SACM1L: variants seen among roughly 807,000 people sequenced by gnomAD.
SACM1L encodes SAC1 like phosphatidylinositide phosphatase.
A neutral mutation model predicts 89.5 loss-of-function variants in SACM1L; 32 were observed. The observed-to-expected ratio is 0.36, with a 90% CI of 0.27 to 0.48. The LOEUF is 0.48. Ranked by LOEUF, SACM1L falls within the 20% of genes least tolerant of loss-of-function variation. SACM1L has a pLI of 0.99. For synonymous variants in SACM1L, 213 were observed against 232.8 expected (o/e 0.92, Z 0.77); for missense variants, 543 against 708.5 (o/e 0.77, Z 2.65).
intron 14 of SACM1L, 122 bp downstream of exon 14, chr3:45,735,495 G>A: frequency 2.1e-6 from 2 of 972,462 alleles, no homozygotes; most frequent in Non-Finnish European, 2.9e-6. Flanking sequence ...TTTTATTTTT[G>A]TGTCTTGCCC....
intron 1 of SACM1L, among the ~76,000 whole-genome samples, chr3:45,691,898 T>C (rs1698000784): frequency 6.6e-6 from 1 of 152,252 alleles, no homozygotes; most frequent in Non-Finnish European, 1.5e-5. Flanking sequence ...ACTTTCCTGC[T>C]TACAATTTCC....
At chr3:45,727,062 TTTTTAGTAGAGACG>T (rs1698939098) in intron 11 of SACM1L, among the ~76,000 whole-genome samples, 2 of 73,526 alleles carry the variant, frequency 2.7e-5, no homozygotes, top group South Asian at 7.0e-4. Flanking sequence ...ATTTTTTGTA[TTTTTAGTAGAGACG>T]GGGTTTCACC....
intron 1 of SACM1L, among the ~76,000 whole-genome samples, chr3:45,697,273 T>C (rs987368138): frequency 2.4e-5 from 3 of 125,680 alleles, no homozygotes; most frequent in East Asian, 2.0e-4. Context: ...CTTTTCCTTT[T>C]TTTTTTTTTT....
chr3:45,733,689 T>A (rs1267979668), intron 13 of SACM1L, among the ~76,000 whole-genome samples: 3 of 152,244 alleles, frequency 2.0e-5, no homozygotes, highest in Non-Finnish European at 2.9e-5. Flanking sequence ...GTTAACATTA[T>A]CCAGTATTCG....
rs1230593285 is a variant in SACM1L, at chr3:45,744,791, A to G, written c.*1122A>G. 3 of 152,672 alleles carry G rather than the reference A, an allele frequency of 2.0e-5. No individual in the cohort carries two copies. The highest frequency in any genetic ancestry group is 4.4e-5 in the Non-Finnish European group (3 of 68,048). 9.5% of individuals were successfully genotyped at this position (152,672 alleles called of 1,614,324 possible). A position where few individuals can be genotyped will look rare whatever the true frequency, so the allele number is the denominator to read the frequency against. ...AAGTCAGATTGTATATTCAAATTGT[A>G]ATTAAGAGATTTAAATATTAGAACG... On this transcript the variant is annotated 3_prime_UTR_variant, in exon 20 of 20. Transcript: ENST00000389061.
chr3:45,727,175 G>A lies in SACM1L; in HGVS notation c.921+3632G>A, dbSNP rs1227411124. On this transcript the variant is annotated intron_variant, in intron 11 of 19. Coordinates refer to ENST00000389061, the MANE Select transcript of SACM1L (RefSeq NM_014016.5). Reference sequence around the variant, plus strand: ...GCTGGGATTACAGGCGTGAGCCACCGCGCCCGGCCGCTTTATTTCATACAT... The same window carrying A: ...GCTGGGATTACAGGCGTGAGCCACCACGCCCGGCCGCTTTATTTCATACAT... Among the ~76,000 whole-genome samples, 10 of 21,734 alleles carry A rather than the reference G, an allele frequency of 4.6e-4. 2 individuals are homozygous for A. The highest frequency in any genetic ancestry group is 1.8e-3 in the African/African-American group (10 of 5,646). The allele number at this position is 21,734 out of a possible 152,430, so 14.3% of individuals were successfully genotyped here.
intron 14 of SACM1L, among the ~76,000 whole-genome samples, chr3:45,736,628 C>G (rs1699204031): frequency 6.6e-6 from 1 of 152,164 alleles, no homozygotes; most frequent in South Asian, 2.1e-4. Flanking sequence ...GGAAGGTCTT[C>G]TAAGTGTAGT....
intron 1 of SACM1L, 68 bp downstream of exon 1, chr3:45,689,565 G>A (rs1194968409): frequency 1.7e-5 from 25 of 1,514,006 alleles, no homozygotes; most frequent in Admixed American, 2.0e-5. Flanking sequence ...CTGGCCTCGG[G>A]GAGGGCTTCT....
intron 5 of SACM1L, among the ~76,000 whole-genome samples, chr3:45,710,805 T>C (rs948675351): frequency 5.9e-5 from 9 of 152,218 alleles, no homozygotes; most frequent in African/African-American, 1.2e-4. Context: ...GATTTTCAAC[T>C]CTAATTTGGT....
rs557305095 is a variant in SACM1L at position 45,744,991 on chromosome 3, A to G, written c.*1322A>G. 11 of 152,214 alleles carry G rather than the reference A, an allele frequency of 7.2e-5. No individual in the cohort carries two copies. In the East Asian group the frequency reaches 1.4e-3, roughly 19 times the overall value. The allele number at this position is 152,214 out of a possible 1,614,324, so 9.4% of individuals were successfully genotyped here. On this transcript the variant is annotated 3_prime_UTR_variant, in exon 20 of 20. Transcript: ENST00000389061. Reference sequence around the variant, plus strand: ...TCAGCATTACCTTTTTTTCATCACTATCTTTTATAAAACATTAATATAAGT... The same window carrying G: ...TCAGCATTACCTTTTTTTCATCACTGTCTTTTATAAAACATTAATATAAGT...
At chr3:45,723,385 G>A (rs1698834153) in intron 10 of SACM1L, 90 bp from the exon 11 acceptor site, 1 of 427,336 alleles carries the variant, frequency 2.3e-6, no homozygotes, top group Non-Finnish European at 3.8e-6. Context: ...GACATTTAAG[G>A]AGGTCCTTTA....
rs188211739 is a variant in SACM1L, at chr3:45,703,484, G to A, written c.79G>A (p.Ala27Thr). The change falls in exon 2 of 20, where the codon GCA becomes ACA. Residue 27 changes from alanine (A) to threonine (T), a missense_variant. Around this residue, in one of 2 missense-constraint regions of SACM1L, gnomAD observed 173 missense variants for 180.9 expected, o/e 0.96. Coordinates refer to ENST00000389061, the MANE Select transcript of SACM1L (RefSeq NM_014016.5). ...TTATGTGGAAGCTTGTGATGATGGA[G>A]CAGATGACGTACTTACCATTGACCG... ...KFYVEACDDGADDVLTIDRVS... is the reference protein window; with the variant it reads ...KFYVEACDDGTDDVLTIDRVS... The A allele has an allele frequency of 2.6e-4, 421 of 1,613,264 alleles. No homozygotes were observed. Among genetic ancestry groups the A allele is most frequent in the Non-Finnish European group, 3.1e-4 (360 of 1,179,386 alleles).
chr3:45,714,080 GTATCC>G lies in SACM1L; in HGVS notation c.577+3_577+7del. ...TTTGCCCTTCCAGTGTTACATGGCT[GTATCC>G]TTACATGATATTACTCTTTAGTTTC... On this transcript the variant is annotated splice_donor_variant and splice_donor_5th_base_variant and intron_variant, in intron 7 of 19. Coordinates refer to ENST00000389061, the MANE Select transcript of SACM1L (RefSeq NM_014016.5). LOFTEE classifies it high-confidence loss of function. 2 of 1,543,716 alleles carry G rather than the reference GTATCC, an allele frequency of 1.3e-6. No homozygotes were observed. Among genetic ancestry groups the G allele is most frequent in the Non-Finnish European group, 1.8e-6 (2 of 1,133,120 alleles).
chr3:45,713,539 G>T (rs1698573530), intron 6 of SACM1L: 1 of 186,128 alleles, frequency 5.4e-6, no homozygotes, highest in Admixed American at 6.1e-5. Flanking sequence ...TTCCTTTGGG[G>T]ATGAGACTCC....
At chr3:45,740,538 C>T (rs1307073106) in intron 19 of SACM1L, among the ~76,000 whole-genome samples, 4 of 152,146 alleles carry the variant, frequency 2.6e-5, no homozygotes. Context: ...TTAACTTTTT[C>T]CTTTGGCATA....
At position 45,722,862 on chromosome 3, in the gene SACM1L, C is replaced by T. The variant is rs1252514957; in HGVS notation, c.766-7C>T. ...GTTTCTTTTCACATTTCTCTCTTTT[C>T]TTTTAGACTCGAGGATCAATACCTG... On this transcript the variant is annotated splice_region_variant and splice_polypyrimidine_tract_variant and intron_variant, in intron 9 of 19. Transcript: ENST00000389061. The T allele has an allele frequency of 6.2e-7, 1 of 1,603,024 alleles. No homozygotes were observed. The highest frequency in any genetic ancestry group is 1.3e-5 in the African/African-American group (1 of 74,660).
Position 45,706,919 on chromosome 3 carries a change from A to G in SACM1L, c.333+12A>G, listed in dbSNP as rs1288029896. ...TAACTGATATTCAGGTAAGAACTGG[A>G]AATTGTTACTAATTGCAGCGCCCAA... On this transcript the variant is annotated intron_variant, in intron 4 of 19. Coordinates refer to ENST00000389061, the MANE Select transcript of SACM1L (RefSeq NM_014016.5). 6.2e-7 allele frequency: 1 copy of G among 1,612,342 alleles called. No homozygotes were observed. Among genetic ancestry groups the G allele is most frequent in the Non-Finnish European group, 8.5e-7 (1 of 1,179,092 alleles).
chr3:45,731,697 C>CAT (rs1464136793), intron 12 of SACM1L, among the ~76,000 whole-genome samples: 1 of 152,160 alleles, frequency 6.6e-6, no homozygotes, highest in Non-Finnish European at 1.5e-5. Context: ...CTTTGCAGTG[C>CAT]ATACCTGATT....
chr3:45,711,803 G>A (rs1877934), intron 5 of SACM1L, among the ~76,000 whole-genome samples: 73,440 of 151,924 alleles, frequency 0.48, 18,283 homozygotes, highest in Middle Eastern at 0.57. Context: ...TACATCCATA[G>A]GGCTTTCCCA....
Sources: gnomAD v4.1 joint callset for allele counts (sites outside exome capture counted in the v4.1 genomes callset) on GRCh38, gnomAD v4.1.1 for gene constraint, gnomAD v4.1.1 regional missense constraint, MANE v1.5 for transcripts, NCBI Gene and HGNC (gene_info 2026-07-23, HGNC 2026-07-21) for gene names.